The following MLPH variants were observed in gnomAD, a reference collection of about 807,000 sequenced individuals.
MLPH encodes melanophilin.
A neutral mutation model predicts 72.1 loss-of-function variants in MLPH; 51 were observed. That is an observed-to-expected ratio of 0.71 (90% CI 0.56 to 0.89). The LOEUF (loss-of-function observed/expected upper bound fraction) is 0.89. MLPH is among the 40% of genes least tolerant of loss of function. MLPH has a pLI of 0.00. For synonymous variants in MLPH, 301 were observed against 310.1 expected (o/e 0.97, Z 0.31); for missense variants, 743 against 759.9 (o/e 0.98, Z 0.26).
At chr2:237,553,212 C>G (rs67525826) in intron 15 of MLPH, 62 of 484,690 alleles carry the variant, frequency 1.3e-4, no homozygotes, top group Non-Finnish European at 2.2e-4. Context: ...TGGTTGGTTG[C>G]GGGAGGGGAC....
chr2:237,518,113 A>C, intron 4 of MLPH: 1 of 317,534 alleles, frequency 3.1e-6, no homozygotes, highest in South Asian at 2.4e-5. Flanking sequence ...GGGTGGATGA[A>C]GGAGGGATGG....
chr2:237,539,580 G>A (rs2080622042), intron 9 of MLPH, among the ~76,000 whole-genome samples: 1 of 152,162 alleles, frequency 6.6e-6, no homozygotes, highest in Non-Finnish European at 1.5e-5. Flanking sequence ...AACCCTTCAT[G>A]AAAGGCCAGC....
chr2:237,531,380 C>T (rs79330425), intron 8 of MLPH, among the ~76,000 whole-genome samples: 224 of 152,262 alleles, frequency 1.5e-3, no homozygotes, highest in African/African-American at 4.9e-3. Flanking sequence ...GCATAGAGAC[C>T]TCTCAGGGTG....
At chr2:237,493,016 C>G (rs918490816) in intron 1 of MLPH, among the ~76,000 whole-genome samples, 11 of 152,140 alleles carry the variant, frequency 7.2e-5, no homozygotes, top group African/African-American at 2.7e-4. Context: ...AAACTTAAGG[C>G]GAGAAGCCTC....
In MLPH at chr2:237,490,517, C is replaced by T. The variant is rs143779634; in HGVS notation, c.-24-2886C>T. Among the ~76,000 whole-genome samples, 33 of 152,208 alleles carry T rather than the reference C, an allele frequency of 2.2e-4. No individual in the cohort carries two copies. The East Asian group carries it at 3.9e-3, about 18-fold the overall frequency. ...AAAGCAGGTTTTTCCTTTTGTTTTG[C>T]TTTTCTTCCTCACACATCATGATTT... On this transcript the variant is annotated intron_variant, in intron 1 of 15. Coordinates refer to ENST00000264605, the MANE Select transcript of MLPH (RefSeq NM_024101.7).
chr2:237,526,943 G>T (rs79570949), intron 7 of MLPH, among the ~76,000 whole-genome samples: 3 of 152,168 alleles, frequency 2.0e-5, no homozygotes, highest in Non-Finnish European at 4.4e-5. Context: ...TACAAAAGGG[G>T]TTAACAACGT....
intron 2 of MLPH, among the ~76,000 whole-genome samples, chr2:237,502,191 T>C (rs1170402832): frequency 6.6e-6 from 1 of 152,244 alleles, no homozygotes; most frequent in Non-Finnish European, 1.5e-5. Flanking sequence ...TCATATCACT[T>C]GGGTATTAAG....
chr2:237,508,602 C>T (rs181613004), intron 2 of MLPH, among the ~76,000 whole-genome samples: 2 of 152,186 alleles, frequency 1.3e-5, no homozygotes, highest in African/African-American at 2.4e-5. Context: ...GACTCACCCC[C>T]CTAAAGGATC....
rs767893507 is a variant in MLPH, at chr2:237,540,809, C to T, written c.1298C>T (p.Thr433Met). The T allele has an allele frequency of 1.3e-5, 21 of 1,613,000 alleles. 1 individual carries two copies. In the Middle Eastern group the frequency reaches 4.9e-4, roughly 38 times the overall value. Residue 433 changes from threonine to methionine, a missense_variant, in exon 11 of 16, where the codon ACG (threonine) becomes ATG (methionine). Thr to Met is a moderately conservative substitution (Grantham distance 81). Coordinates refer to ENST00000264605, the MANE Select transcript of MLPH (RefSeq NM_024101.7). ...PLPQADPEVG[T>M]AAHQTNRQEK... ...CGTCCTTCTCTTTCCTAGGTGGGCA[C>T]GGCTGCCCATCAAACCAACAGACAG...
chr2:237,548,694 C>G (rs963280838), intron 13 of MLPH, among the ~76,000 whole-genome samples: 3 of 152,246 alleles, frequency 2.0e-5, no homozygotes, highest in South Asian at 2.1e-4. Flanking sequence ...CGGTGAAACC[C>G]TGTCTCTACT....
At chr2:237,540,737 C>G in intron 10 of MLPH, 65 bp from the exon 11 acceptor site, 2 of 1,593,968 alleles carry the variant, frequency 1.3e-6, no homozygotes, top group Non-Finnish European at 1.7e-6. Flanking sequence ...GTGGTGAGTC[C>G]CCATCTGGGT....
intron 2 of MLPH, among the ~76,000 whole-genome samples, chr2:237,495,792 T>C (rs777965573): frequency 3.3e-5 from 5 of 152,170 alleles, no homozygotes; most frequent in Non-Finnish European, 5.9e-5. Flanking sequence ...ACCAGCCTGG[T>C]GGCCATGGCC....
At chr2:237,525,895 C>A (rs2080294683) in intron 7 of MLPH, 90 bp downstream of exon 7, 1 of 1,274,400 alleles carries the variant, frequency 7.8e-7, no homozygotes, top group Non-Finnish European at 1.1e-6. Context: ...ACCTATCCAA[C>A]ACACGGGCTG....
intron 1 of MLPH, among the ~76,000 whole-genome samples, chr2:237,492,912 G>T (rs1016300623): frequency 6.6e-6 from 1 of 152,184 alleles, no homozygotes; most frequent in Non-Finnish European, 1.5e-5. Context: ...CTGCAGCATC[G>T]CTCTAGGAGG....
chr2:237,502,957 A>G (rs1163106126), intron 2 of MLPH, among the ~76,000 whole-genome samples: 1 of 152,108 alleles, frequency 6.6e-6, no homozygotes, highest in East Asian at 1.9e-4. Context: ...CATCTCTACT[A>G]AAAATACAAA....
Position 237,554,041 on chromosome 2 carries a change from T to C in MLPH, c.*449T>C. On this transcript the variant is annotated 3_prime_UTR_variant, in exon 16 of 16. Transcript: ENST00000264605. ...GTCTATATCGGGGTGTGAGCAGATG[T>C]TTGCGTATTTCTTGTGGGTGTGACT... The C allele has an allele frequency of 3.2e-6, 1 of 310,534 alleles. No individual in the cohort carries two copies. Among genetic ancestry groups the C allele is most frequent in the South Asian group, 3.1e-5 (1 of 32,544 alleles). The allele number at this position is 310,534 out of a possible 1,614,324, so 19.2% of individuals were successfully genotyped here.
rs565349429 is a variant in MLPH at position 237,505,142 on chromosome 2, G to A, written c.111-5432G>A. 6.6e-6 allele frequency among the ~76,000 whole-genome samples: 1 copy of A among 152,312 alleles called. No homozygotes were observed. The highest frequency in any genetic ancestry group is 1.9e-4 in the East Asian group (1 of 5,178). On this transcript the variant is annotated intron_variant, in intron 2 of 15. Coordinates refer to ENST00000264605, the MANE Select transcript of MLPH (RefSeq NM_024101.7). This position sits in a 1 kb window ranked among gnomAD's most constrained non-coding sequence, Gnocchi z 4.5. ...CCCTCCCGGTGGCCAGGTTGATGGG[G>A]TCTGGACTCCACACACTGTCCCCAC...
intron 2 of MLPH, among the ~76,000 whole-genome samples, chr2:237,497,714 C>T (rs765094684): frequency 2.0e-5 from 3 of 152,170 alleles, no homozygotes; most frequent in Admixed American, 6.5e-5. Flanking sequence ...AATAATGAAC[C>T]TCCTTCCCTG....
rs567229522 is a variant in MLPH, at chr2:237,523,863, T to C, written c.676-1738T>C. 1.6e-4 allele frequency among the ~76,000 whole-genome samples: 25 copies of C among 152,294 alleles called. No homozygotes were observed. In the South Asian group the frequency reaches 5.0e-3, roughly 30 times the overall value. The stretch of plus-strand genomic sequence containing the variant: ...GTAAAGCAAGATTAGTAAGATTTGC[T>C]AGAAGTCATCAAGAGGCTATTTACT... On this transcript the variant is annotated intron_variant, in intron 6 of 15. Coordinates refer to ENST00000264605, the MANE Select transcript of MLPH (RefSeq NM_024101.7).
Sources: allele counts gnomAD v4.1 joint callset (sites outside exome capture counted in the v4.1 genomes callset), GRCh38; gene constraint gnomAD v4.1.1; non-coding constraint Gnocchi (gnomAD v3.1); transcripts MANE v1.5; gene names NCBI Gene and HGNC (gene_info 2026-07-23, HGNC 2026-07-21).